AGBL3: variants seen among roughly 807,000 people sequenced by gnomAD.
AGBL3 encodes cytosolic carboxypeptidase 3.
A neutral mutation model predicts 94.5 loss-of-function variants in AGBL3; 68 were observed. The ratio of observed to expected loss-of-function variants is 0.72; its 90% CI spans 0.59 to 0.88. AGBL3 has a LOEUF of 0.88. Ranked by LOEUF, AGBL3 falls within the 40% of genes least tolerant of loss-of-function variation. The probability of loss-of-function intolerance (pLI) is 0.00; values close to 1 mark genes in which losing one functional copy is unlikely to be tolerated. For missense variants in AGBL3, 934 were observed against 1,103.8 expected (o/e 0.85, Z 2.18); for synonymous variants, 354 against 370.7 (o/e 0.95, Z 0.52).
At chr7:134,997,266 C>T (rs1041335291) in intron 4 of AGBL3, among the ~76,000 whole-genome samples, 4 of 152,144 alleles carry the variant, frequency 2.6e-5, no homozygotes, top group Non-Finnish European at 5.9e-5. Context: ...AATGGTCGTT[C>T]GCCCACTGCT....
Position 135,119,558 on chromosome 7 carries a change from C to CA in AGBL3, c.2342+3957dup, listed in dbSNP as rs959003063. Among the ~76,000 whole-genome samples the CA allele has an allele frequency of 2.6e-4, 36 of 139,884 alleles. 1 individual carries two copies. Among genetic ancestry groups the CA allele is most frequent in the South Asian group, 4.9e-4 (2 of 4,094 alleles). 91.8% of individuals were successfully genotyped at this position (139,884 alleles called of 152,430 possible). On this transcript the variant is annotated intron_variant, in intron 16 of 16. Coordinates refer to ENST00000436302, the MANE Select transcript of AGBL3 (RefSeq NM_178563.4). ...AAAATTTAACTTCTGAAAATGAGAC[C>CA]AAAAAAAAAAGAAAAAACTATCGAA...
At chr7:135,045,445 A>C (rs887778566) in intron 9 of AGBL3, 29 bp from the exon 10 acceptor site, 1 of 1,518,864 alleles carries the variant, frequency 6.6e-7, no homozygotes, top group African/African-American at 1.4e-5. Context: ...ACTTACCCTC[A>C]AGGGTGGATA....
intron 15 of AGBL3, among the ~76,000 whole-genome samples, chr7:135,087,502 A>G (rs991522460): frequency 6.6e-6 from 1 of 151,914 alleles, no homozygotes; most frequent in Non-Finnish European, 1.5e-5. Flanking sequence ...TGCTGTTGCT[A>G]TATCCTATAG....
At chr7:134,988,149 A>C in intron 2 of AGBL3, 153 bp downstream of exon 2, 2 of 598,600 alleles carry the variant, frequency 3.3e-6, no homozygotes, top group East Asian at 6.2e-5. Flanking sequence ...TGAAAAAGCT[A>C]AGCTATCACT....
At chr7:135,069,204 C>T (rs1819648981) in intron 12 of AGBL3, among the ~76,000 whole-genome samples, 1 of 152,160 alleles carries the variant, frequency 6.6e-6, no homozygotes, top group African/African-American at 2.4e-5. Flanking sequence ...GCACCCAATA[C>T]AGGAGCACCC....
At chr7:135,125,060 T>A (rs570721092) in intron 16 of AGBL3, among the ~76,000 whole-genome samples, 53 of 151,618 alleles carry the variant, frequency 3.5e-4, no homozygotes, top group Admixed American at 1.3e-3. Flanking sequence ...TAGAGCAGAA[T>A]TGAAGGAGAT....
At chr7:135,127,006 A>G (rs1827966960) in intron 16 of AGBL3, among the ~76,000 whole-genome samples, 2 of 152,236 alleles carry the variant, frequency 1.3e-5, no homozygotes, top group African/African-American at 4.8e-5. Flanking sequence ...ACAGAAGCCA[A>G]AATTGACAAA....
intron 3 of AGBL3, among the ~76,000 whole-genome samples, chr7:134,991,196 G>T (rs1810199435): frequency 9.3e-6 from 1 of 107,922 alleles, no homozygotes; most frequent in Non-Finnish European, 1.8e-5. Context: ...ACATTTGTGT[G>T]TGGGTGGGGG....
Position 135,038,225 on chromosome 7 carries a change from A to C in AGBL3, c.1500+645A>C, listed in dbSNP as rs1251069380. Among the ~76,000 whole-genome samples the C allele has an allele frequency of 2.0e-5, 3 of 151,426 alleles. No individual in the cohort carries two copies. The Admixed American group carries it at 2.0e-4, about 10-fold the overall frequency. On this transcript the variant is annotated intron_variant, in intron 8 of 16. Coordinates refer to ENST00000436302, the MANE Select transcript of AGBL3 (RefSeq NM_178563.4). ...CAACAAATTCAATTATAAAGGACTTACTGGAGAAGAACTAATTGTCTTTTG... is the reference window on the plus strand; with the variant it reads ...CAACAAATTCAATTATAAAGGACTTCCTGGAGAAGAACTAATTGTCTTTTG...
intron 8 of AGBL3, among the ~76,000 whole-genome samples, chr7:135,039,740 A>C (rs574232704): frequency 2.9e-4 from 44 of 152,230 alleles, no homozygotes; most frequent in African/African-American, 1.0e-3. Flanking sequence ...ATCTCAAAAA[A>C]GAAAAGAACA....
intron 5 of AGBL3, among the ~76,000 whole-genome samples, chr7:135,030,494 T>C (rs1227673804): frequency 6.6e-6 from 1 of 152,192 alleles, no homozygotes; most frequent in Admixed American, 6.5e-5. Flanking sequence ...CTGTATGTAA[T>C]GTGTCTTTTT....
chr7:135,131,121 T>C (rs541153480), intron 16 of AGBL3, among the ~76,000 whole-genome samples: 39 of 152,222 alleles, frequency 2.6e-4, no homozygotes, highest in African/African-American at 9.2e-4. Flanking sequence ...AAAAATCATC[T>C]TGTAATTAGA....
At chr7:135,062,224 A>G (rs1039923312) in intron 12 of AGBL3, among the ~76,000 whole-genome samples, 5 of 152,030 alleles carry the variant, frequency 3.3e-5, no homozygotes, top group Non-Finnish European at 5.9e-5. Flanking sequence ...TTTGTATAGA[A>G]TCACTACTGA....
chr7:135,108,607 C>T (rs1039694185), intron 15 of AGBL3, among the ~76,000 whole-genome samples: 4 of 152,118 alleles, frequency 2.6e-5, no homozygotes, highest in Non-Finnish European at 5.9e-5. Flanking sequence ...GTGACCTGCC[C>T]TTTCTCTCTA....
Position 135,045,816 on chromosome 7 carries a change from A to C in AGBL3, c.1746A>C (p.Lys582Asn), listed in dbSNP as rs1341710595. The C allele has an allele frequency of 6.5e-7, 1 of 1,549,660 alleles. No homozygotes were observed. Among genetic ancestry groups the C allele is most frequent in the East Asian group, 2.4e-5 (1 of 40,904 alleles). ...PDRTKYYRCLKELEEMERHIT... is the reference protein window; with the variant it reads ...PDRTKYYRCLNELEEMERHIT... ...TTGCCTAGTATTATCGGTGCCTGAA[A>C]GAATTAGAAGAAATGGAAAGACATA... The change falls in exon 11 of 17, where the codon AAA (lysine) becomes AAC (asparagine). Residue 582 changes from lysine (K) to asparagine (N), a missense_variant. Coordinates refer to ENST00000436302, the MANE Select transcript of AGBL3 (RefSeq NM_178563.4).
chr7:135,030,729 C>A (rs1815648846), intron 5 of AGBL3, among the ~76,000 whole-genome samples: 1 of 152,030 alleles, frequency 6.6e-6, no homozygotes, highest in South Asian at 2.1e-4. Flanking sequence ...CTAGATACGT[C>A]CCCCCATGTC....
intron 5 of AGBL3, among the ~76,000 whole-genome samples, chr7:135,030,322 A>T (rs184617868): frequency 6.6e-6 from 1 of 152,328 alleles, no homozygotes; most frequent in East Asian, 1.9e-4. Context: ...TGAAAATATC[A>T]TAAATCAAAG....
chr7:135,024,876 C>G (rs1467743780), intron 5 of AGBL3, among the ~76,000 whole-genome samples: 1 of 148,444 alleles, frequency 6.7e-6, no homozygotes, highest in Non-Finnish European at 1.5e-5. Flanking sequence ...CTAGACCAAG[C>G]TGAAGAAAAC....
intron 15 of AGBL3, among the ~76,000 whole-genome samples, chr7:135,082,260 C>T (rs988179236): frequency 6.6e-6 from 1 of 152,102 alleles, no homozygotes; most frequent in African/African-American, 2.4e-5. Context: ...AGTGAAGAAA[C>T]CTTAAAGGTA....
Sources: allele counts gnomAD v4.1 joint callset (sites outside exome capture counted in the v4.1 genomes callset), GRCh38; gene constraint gnomAD v4.1.1; transcripts MANE v1.5; gene names NCBI Gene and HGNC (gene_info 2026-07-23, HGNC 2026-07-21).